The following UFSP2 variants were observed in gnomAD, a reference collection of about 807,000 sequenced individuals.
UFSP2 encodes UFM1 specific peptidase 2, also known as ufm1-specific protease 2.
A neutral mutation model predicts 60.2 loss-of-function variants in UFSP2; 43 were observed. That is an observed-to-expected ratio of 0.71 (90% CI 0.56 to 0.92). The LOEUF is 0.92. UFSP2 is among the 40% of genes least tolerant of loss of function. The probability of loss-of-function intolerance (pLI) is 0.00; values close to 1 mark genes in which losing one functional copy is unlikely to be tolerated. For missense variants in UFSP2, 520 were observed against 575.0 expected, an observed-to-expected ratio of 0.90 and a Z score of 0.98; for synonymous variants, 183 against 195.1, an observed-to-expected ratio of 0.94 and a Z score of 0.52.
Position 185,422,584 on chromosome 4 carries a change from G to C in UFSP2, c.4-21C>G, listed in dbSNP as rs779501107. 8 of 1,524,600 alleles carry C rather than the reference G, an allele frequency of 5.2e-6. No individual in the cohort carries two copies. In the East Asian group the frequency reaches 1.8e-4, roughly 35 times the overall value. The allele number at this position is 1,524,600 out of a possible 1,614,324, so 94.4% of individuals were successfully genotyped here. On this transcript the variant is annotated intron_variant, in intron 1 of 11. Coordinates refer to ENST00000264689, the MANE Select transcript of UFSP2 (RefSeq NM_018359.5). Reference sequence around the variant, plus strand: ...ATCACCTAGAACAAATAAAGATAAAGACAAACTCCCTTGTAAAACAAAACA... The same window carrying C: ...ATCACCTAGAACAAATAAAGATAAACACAAACTCCCTTGTAAAACAAAACA...
Position 185,400,048 on chromosome 4 carries a change from A to T in UFSP2, c.*344T>A. ...CGTGGGTTATGAAGAAGTCTGAAGAACGCCTTCATTTCATGCAAATCTATA... is the reference window on the plus strand; with the variant it reads ...CGTGGGTTATGAAGAAGTCTGAAGATCGCCTTCATTTCATGCAAATCTATA... On this transcript the variant is annotated 3_prime_UTR_variant, in exon 12 of 12. Coordinates refer to ENST00000264689, the MANE Select transcript of UFSP2 (RefSeq NM_018359.5). 6.4e-7 allele frequency: 1 copy of T among 1,565,088 alleles called. No individual in the cohort carries two copies. Among genetic ancestry groups the T allele is most frequent in the Non-Finnish European group, 8.7e-7 (1 of 1,143,022 alleles).
intron 2 of UFSP2, among the ~76,000 whole-genome samples, chr4:185,420,771 T>C (rs550816552): frequency 6.6e-6 from 1 of 152,332 alleles, no homozygotes; most frequent in South Asian, 2.1e-4. Context: ...TATTTTCTGA[T>C]TAATGAGAAG....
chr4:185,403,666 C>A, intron 10 of UFSP2, 48 bp from the exon 11 acceptor site: 1 of 1,592,506 alleles, frequency 6.3e-7, no homozygotes, highest in South Asian at 1.1e-5. Context: ...AAACAAATGT[C>A]AAATGCCTAT....
At chr4:185,405,962 G>T (rs1394249650) in intron 9 of UFSP2, 106 bp from the exon 10 acceptor site, 1 of 1,571,646 alleles carries the variant, frequency 6.4e-7, no homozygotes, top group Non-Finnish European at 8.6e-7. Context: ...GGGTGTTACT[G>T]AAAAAATATA....
chr4:185,405,641 C>T, intron 10 of UFSP2, 139 bp downstream of exon 10: 2 of 859,398 alleles, frequency 2.3e-6, no homozygotes, highest in Non-Finnish European at 1.7e-6. Flanking sequence ...TTTCAATATC[C>T]AGAGATCCAT....
chr4:185,407,324 G>A (rs1358283078), intron 9 of UFSP2, among the ~76,000 whole-genome samples: 3 of 151,964 alleles, frequency 2.0e-5, no homozygotes, highest in East Asian at 1.9e-4. Context: ...AAAGTGCTAC[G>A]ATTACAGGCG....
Position 185,400,064 on chromosome 4 carries a change from C to A in UFSP2, c.*328G>T. ...GTCTGAAGAACGCCTTCATTTCATG[C>A]AAATCTATAAGCTCCTGCTTTTGGC... On this transcript the variant is annotated 3_prime_UTR_variant, in exon 12 of 12. Coordinates refer to ENST00000264689, the MANE Select transcript of UFSP2 (RefSeq NM_018359.5). 1 of 1,511,258 alleles carries A rather than the reference C, an allele frequency of 6.6e-7. No homozygotes were observed. Among genetic ancestry groups the A allele is most frequent in the Non-Finnish European group, 9.1e-7 (1 of 1,097,536 alleles). 93.6% of individuals were successfully genotyped at this position (1,511,258 alleles called of 1,614,324 possible). A position where few individuals can be genotyped will look rare whatever the true frequency, so the allele number is the denominator to read the frequency against.
intron 11 of UFSP2, among the ~76,000 whole-genome samples, chr4:185,402,768 G>A (rs943209153): frequency 1.3e-5 from 2 of 152,258 alleles, no homozygotes; most frequent in East Asian, 1.9e-4. Context: ...GAGCCACCAC[G>A]CCTGGCTTAA....
At chr4:185,411,039 C>CA (rs554315419) in intron 7 of UFSP2, among the ~76,000 whole-genome samples, 60 of 137,618 alleles carry the variant, frequency 4.4e-4, no homozygotes, top group Admixed American at 8.7e-4. Context: ...AAAGAAAGAG[C>CA]AAAAAAAAAG....
chr4:185,418,079 C>T (rs1330736895), intron 4 of UFSP2, among the ~76,000 whole-genome samples: 1 of 151,740 alleles, frequency 6.6e-6, no homozygotes, highest in East Asian at 1.9e-4. Flanking sequence ...AACAACAGAA[C>T]CAAGAGTAGT....
intron 1 of UFSP2, among the ~76,000 whole-genome samples, chr4:185,423,212 G>GA (rs1408788465): frequency 1.3e-5 from 2 of 152,214 alleles, no homozygotes; most frequent in Admixed American, 1.3e-4. Flanking sequence ...ATTCTAATGT[G>GA]AATGGTTGAG....
rs1270355805 is a variant in UFSP2, at chr4:185,400,424, AGT to A, written c.1376_1377del (p.Asn459IlefsTer25). 6.2e-7 allele frequency: 1 copy of A among 1,613,884 alleles called. No homozygotes were observed. On this transcript the variant is annotated frameshift_variant, in exon 12 of 12. Transcript: ENST00000264689. LOFTEE classifies it high-confidence loss of function. ...PDFWNKDAYY[N>X]LCLPQRPNMI ...ATATTTGGTCGCTGAGGAAGACATA[AGT>A]TATAGTATGCATCCTTGTTCCAAAA... is the stretch of plus-strand genomic sequence containing the variant.
intron 11 of UFSP2, 71 bp from the exon 12 acceptor site, chr4:185,400,549 C>T (rs2095512073): frequency 2.7e-6 from 3 of 1,122,632 alleles, no homozygotes; most frequent in Admixed American, 2.0e-5. Context: ...ATCGTGACAT[C>T]AGGCTCTGTC....
At chr4:185,404,486 A>C (rs978414083) in intron 10 of UFSP2, among the ~76,000 whole-genome samples, 2 of 151,580 alleles carry the variant, frequency 1.3e-5, no homozygotes, top group Non-Finnish European at 2.9e-5. Context: ...TTTTTAGTAG[A>C]GACGGGGTTT....
chr4:185,404,985 T>C (rs1190479661), intron 10 of UFSP2, among the ~76,000 whole-genome samples: 1 of 149,702 alleles, frequency 6.7e-6, no homozygotes, highest in Non-Finnish European at 1.5e-5. Context: ...TTTGCTGACA[T>C]CAGCCTACCT....
chr4:185,400,511 T>TA (rs2095512031), intron 11 of UFSP2, 33 bp from the exon 12 acceptor site: 1 of 1,507,238 alleles, frequency 6.6e-7, no homozygotes, highest in South Asian at 1.2e-5. Context: ...GAAAGCCTTT[T>TA]ACAAAGTTAC....
Position 185,400,372 on chromosome 4 carries a change from G to GTCTT in UFSP2, c.*16_*19dup, listed in dbSNP as rs2095511844. On this transcript the variant is annotated 3_prime_UTR_variant, in exon 12 of 12. Coordinates refer to ENST00000264689, the MANE Select transcript of UFSP2 (RefSeq NM_018359.5). Reference sequence around the variant, plus strand: ...AAATTTATAATACCACTCTACTGCAGTCTTTGACTCCAAGATATTTTAAAT... The same window carrying GTCTT: ...AAATTTATAATACCACTCTACTGCAGTCTTTCTTTGACTCCAAGATATTTTAAAT... The GTCTT allele has an allele frequency of 6.3e-7, 1 of 1,576,360 alleles. No homozygotes were observed. Among genetic ancestry groups the GTCTT allele is most frequent in the Non-Finnish European group, 8.7e-7 (1 of 1,147,974 alleles).
intron 1 of UFSP2, among the ~76,000 whole-genome samples, chr4:185,423,333 CTAATA>C (rs1038813557): frequency 6.6e-6 from 1 of 152,108 alleles, no homozygotes; most frequent in Non-Finnish European, 1.5e-5. Flanking sequence ...GGCACTGAAC[CTAATA>C]TAATACCAGG....
At chr4:185,402,174 G>GA (rs2095514062) in intron 11 of UFSP2, 2 of 347,884 alleles carry the variant, frequency 5.7e-6, no homozygotes, top group East Asian at 1.5e-4. Flanking sequence ...TTTAGCTCCC[G>GA]AAAAACCTCG....
Sources: gnomAD v4.1 joint callset for allele counts (sites outside exome capture counted in the v4.1 genomes callset) on GRCh38, gnomAD v4.1.1 for gene constraint, MANE v1.5 for transcripts, NCBI Gene and HGNC (gene_info 2026-07-23, HGNC 2026-07-21) for gene names.